Variants in PCDH15 observed in about 807,000 individuals in gnomAD.
PCDH15 encodes protocadherin related 15, also known as protocadherin-15.
PCDH15 carries 129 observed loss-of-function variants against 178.5 expected under a neutral mutation model. The ratio of observed to expected loss-of-function variants is 0.72; its 90% CI spans 0.63 to 0.84. The LOEUF is 0.84. Ranked by LOEUF, PCDH15 falls within the 40% of genes least tolerant of loss-of-function variation. The pLI is 0.00. For missense variants in PCDH15, 2,230 were observed against 2,099.9 expected, an observed-to-expected ratio of 1.06 and a Z score of -1.21; for synonymous variants, 800 against 732.0, an observed-to-expected ratio of 1.09 and a Z score of -1.50.
intron 3 of PCDH15, among the ~76,000 whole-genome samples, chr10:54,497,333 T>G (rs933047921): frequency 6.6e-6 from 1 of 151,136 alleles, no homozygotes; most frequent in Non-Finnish European, 1.5e-5. Context: ...AAAAGAACAT[T>G]AGCCCCCACA....
Position 54,332,975 on chromosome 10 carries a change from G to C in PCDH15, c.595-3269C>G, listed in dbSNP as rs925692292. On this transcript the variant is annotated intron_variant, in intron 6 of 37. Coordinates refer to ENST00000644397, the MANE Select transcript of PCDH15 (RefSeq NM_001384140.1). Reference sequence around the variant, plus strand: ...TATTTATTGAGATGGATGCAGTCTTGCTCTGTCATCCAGGCTTGAGTGCAG... The same window carrying C: ...TATTTATTGAGATGGATGCAGTCTTCCTCTGTCATCCAGGCTTGAGTGCAG... Among the ~76,000 whole-genome samples, 11 of 152,030 alleles carry C rather than the reference G, an allele frequency of 7.2e-5. No homozygotes were observed. In the South Asian group the frequency reaches 2.3e-3, roughly 32 times the overall value.
intron 2 of PCDH15, among the ~76,000 whole-genome samples, chr10:55,362,894 C>T (rs1409333754): frequency 6.6e-6 from 1 of 152,120 alleles, no homozygotes; most frequent in Non-Finnish European, 1.5e-5. Flanking sequence ...CATCCCTGGG[C>T]CACACTGGAA....
intron 9 of PCDH15, among the ~76,000 whole-genome samples, chr10:54,225,856 T>A (rs897866708): frequency 6.6e-6 from 1 of 152,240 alleles, no homozygotes; most frequent in African/African-American, 2.4e-5. Context: ...TAATGCTTTA[T>A]ATACTGACTG....
At chr10:54,278,344 C>T (rs2058466644) in intron 8 of PCDH15, among the ~76,000 whole-genome samples, 1 of 151,496 alleles carries the variant, frequency 6.6e-6, no homozygotes, top group Non-Finnish European at 1.5e-5. Context: ...TGCCATAGTC[C>T]TTAGTTATGT....
intron 20 of PCDH15, among the ~76,000 whole-genome samples, chr10:54,018,501 C>T (rs1333271032): frequency 6.6e-6 from 1 of 151,994 alleles, no homozygotes; most frequent in Non-Finnish European, 1.5e-5. Flanking sequence ...AATGAAAAGG[C>T]ATTCATGGGA....
At chr10:55,202,317 C>T (rs972303437) in intron 1 of PCDH15, among the ~76,000 whole-genome samples, 4 of 152,026 alleles carry the variant, frequency 2.6e-5, no homozygotes, top group Admixed American at 6.5e-5. Flanking sequence ...GTAGAGACAG[C>T]AAATAAAAGA....
chr10:54,163,871 C>A (rs2045952389), intron 13 of PCDH15, among the ~76,000 whole-genome samples: 1 of 152,032 alleles, frequency 6.6e-6, no homozygotes, highest in Admixed American at 6.6e-5. Context: ...ACTAGAAGAT[C>A]AAGTCAGGAG....
intron 2 of PCDH15, among the ~76,000 whole-genome samples, chr10:55,027,517 T>C (rs571222815): frequency 2.2e-4 from 34 of 151,974 alleles, no homozygotes; most frequent in Admixed American, 5.2e-4. Flanking sequence ...AGTTGGATTG[T>C]TATTGAGGGC....
intron 26 of PCDH15, 120 bp from the exon 27 acceptor site, chr10:53,866,977 C>A: frequency 2.8e-6 from 2 of 712,004 alleles, no homozygotes; most frequent in Admixed American, 2.4e-5. Flanking sequence ...CAATAAAGCC[C>A]TCCTAAATGT....
chr10:54,630,013 A>G (rs1937396), intron 2 of PCDH15, among the ~76,000 whole-genome samples: 69,873 of 151,928 alleles, frequency 0.46, 17,487 homozygotes, highest in Non-Finnish European at 0.57. Context: ...AAAATTAAGT[A>G]GGAATGCATC....
At chr10:54,601,608 C>T (rs563436067) in intron 2 of PCDH15, among the ~76,000 whole-genome samples, 24 of 151,974 alleles carry the variant, frequency 1.6e-4, no homozygotes, top group East Asian at 7.8e-4. Flanking sequence ...TAATTTAGTT[C>T]GTCCATTGTA....
intron 2 of PCDH15, among the ~76,000 whole-genome samples, chr10:55,352,969 C>A (rs1203733718): frequency 1.3e-5 from 2 of 152,118 alleles, no homozygotes; most frequent in African/African-American, 4.8e-5. Context: ...GCAACACCTG[C>A]AGCTGGCATT....
In PCDH15 at chr10:54,081,912, C is replaced by A. The variant is rs148179037; in HGVS notation, c.1998-2488G>T. Among the ~76,000 whole-genome samples the A allele has an allele frequency of 8.2e-3, 1,243 of 152,238 alleles. 14 individuals are homozygous for A. Among genetic ancestry groups the A allele is most frequent in the African/African-American group, 0.028 (1,181 of 41,546 alleles). ...ATCACAATTAAGCAGGGACCTTCAA[C>A]AGCAAATTTGATGAAACTCTGGAAA... On this transcript the variant is annotated intron_variant, in intron 16 of 37. Coordinates refer to ENST00000644397, the MANE Select transcript of PCDH15 (RefSeq NM_001384140.1).
At chr10:54,929,070 A>T (rs1837702245) in intron 2 of PCDH15, among the ~76,000 whole-genome samples, 1 of 152,190 alleles carries the variant, frequency 6.6e-6, no homozygotes, top group Non-Finnish European at 1.5e-5. Context: ...ATGCTAATTC[A>T]ATCTTTGATG....
At chr10:55,398,130 T>TAACACAAG (rs1244826703) in intron 2 of PCDH15, among the ~76,000 whole-genome samples, 1 of 151,836 alleles carries the variant, frequency 6.6e-6, no homozygotes, top group Non-Finnish European at 1.5e-5. Context: ...AGTTATCTCC[T>TAACACAAG]TTTCATTATT....
intron 26 of PCDH15, among the ~76,000 whole-genome samples, chr10:53,867,283 A>C (rs1238780887): frequency 6.6e-6 from 1 of 152,024 alleles, no homozygotes; most frequent in Admixed American, 6.6e-5. Flanking sequence ...CATGTAACAT[A>C]ATGTCCTAGA....
intron 18 of PCDH15, among the ~76,000 whole-genome samples, chr10:54,046,770 G>C (rs2093664526): frequency 6.6e-6 from 1 of 152,180 alleles, no homozygotes; most frequent in Admixed American, 6.5e-5. Flanking sequence ...ATACTAAACT[G>C]TACATTTATC....
At chr10:55,145,229 G>C (rs1591939306) in intron 2 of PCDH15, among the ~76,000 whole-genome samples, 1 of 151,984 alleles carries the variant, frequency 6.6e-6, no homozygotes, top group African/African-American at 2.4e-5. Flanking sequence ...GCTCAGAGGA[G>C]GACCAGGTTT....
At chr10:54,377,345 C>T (rs571286077) in intron 4 of PCDH15, among the ~76,000 whole-genome samples, 15 of 152,144 alleles carry the variant, frequency 9.9e-5, no homozygotes, top group African/African-American at 3.4e-4. Flanking sequence ...CCCAGATTTA[C>T]CTCACTATTT....
Sources: allele counts gnomAD v4.1 joint callset (sites outside exome capture counted in the v4.1 genomes callset), GRCh38; gene constraint gnomAD v4.1.1; transcripts MANE v1.5; gene names NCBI Gene and HGNC (gene_info 2026-07-23, HGNC 2026-07-21).